Variants in OTOG observed in about 807,000 individuals in gnomAD.
OTOG encodes otogelin.
OTOG carries 296 observed loss-of-function variants against 313.8 expected under a neutral mutation model. That is an observed-to-expected ratio of 0.94 (90% CI 0.86 to 1.04). The LOEUF is 1.04. OTOG is among the 50% of genes least tolerant of loss of function. OTOG has a pLI of 0.00. For missense variants in OTOG, 3,948 were observed against 3,840.1 expected (o/e 1.03, Z -0.74); for synonymous variants, 1,533 against 1,554.9 (o/e 0.99, Z 0.33).
chr11:17,605,037 C>T (rs1181704399), intron 32 of OTOG, among the ~76,000 whole-genome samples: 1 of 152,244 alleles, frequency 6.6e-6, no homozygotes, highest in Non-Finnish European at 1.5e-5. Context: ...CCAGGCGCTT[C>T]ACACACACCT....
chr11:17,597,500 G>A (rs1853141215), intron 30 of OTOG, among the ~76,000 whole-genome samples: 1 of 152,188 alleles, frequency 6.6e-6, no homozygotes, highest in African/African-American at 2.4e-5. Flanking sequence ...AGGTTTGCAG[G>A]TCCCATCAGA....
At chr11:17,634,978 G>GGGGC in intron 45 of OTOG, 30 bp downstream of exon 45, 1 of 1,384,952 alleles carries the variant, frequency 7.2e-7, no homozygotes, top group Non-Finnish European at 9.9e-7. Flanking sequence ...GAGGGTGGGG[G>GGGGC]ACGGACTGAG....
chr11:17,560,765 C>T lies in OTOG; in HGVS notation c.1399C>T (p.His467Tyr). The T allele has an allele frequency of 6.4e-7, 1 of 1,550,778 alleles. No individual in the cohort carries two copies. Among genetic ancestry groups the T allele is most frequent in the Non-Finnish European group, 8.7e-7 (1 of 1,147,022 alleles). Residue 467 changes from histidine to tyrosine, a missense_variant, in exon 13 of 56, where the codon CAC becomes TAC. His to Tyr is a moderately conservative substitution (Grantham distance 83). Coordinates refer to ENST00000399397, the MANE Select transcript of OTOG (RefSeq NM_001292063.2). ...ACCAGCTGAGTGTCCCTGTGAGTTT[C>T]ACGGGACTCTGTACCCACCTGGCTC... ...VAPAECPCEF[H>Y]GTLYPPGSVV...
Position 17,641,796 on chromosome 11 carries a change from C to T in OTOG, c.8191-51C>T, listed in dbSNP as rs1370710357. 5 of 1,345,224 alleles carry T rather than the reference C, an allele frequency of 3.7e-6. No homozygotes were observed. The African/African-American group carries it at 4.4e-5, about 12-fold the overall frequency. The allele number at this position is 1,345,224 out of a possible 1,614,324, so 83.3% of individuals were successfully genotyped here. On this transcript the variant is annotated intron_variant, in intron 51 of 55. Transcript: ENST00000399397. ...CACAGATAACCAGGCAGTGGGAGAGCCAGGGTGGAGGTGGGCATCTGGCTG... is the reference window on the plus strand; with the variant it reads ...CACAGATAACCAGGCAGTGGGAGAGTCAGGGTGGAGGTGGGCATCTGGCTG...
intron 53 of OTOG, among the ~76,000 whole-genome samples, chr11:17,642,907 C>T (rs1296913878): frequency 6.6e-6 from 1 of 152,290 alleles, no homozygotes; most frequent in East Asian, 1.9e-4. Flanking sequence ...CATGTATGTG[C>T]TCACAAAATC....
At position 17,634,309 on chromosome 11, in the gene OTOG, C is replaced by T. The variant is rs567622357; in HGVS notation, c.7480+28C>T. 107 of 1,543,742 alleles carry T rather than the reference C, an allele frequency of 6.9e-5. 1 individual carries two copies. The South Asian group carries it at 7.2e-4, about 10-fold the overall frequency. ...GAGTGTCCACCTTCACTTCCTTGGA[C>T]GTCAACTGTAAAACAGTTAAAAGGT... On this transcript the variant is annotated intron_variant, in intron 44 of 55. Coordinates refer to ENST00000399397, the MANE Select transcript of OTOG (RefSeq NM_001292063.2).
chr11:17,570,079 C>CGCAGGCAG (rs991832428), intron 16 of OTOG, 134 bp from the exon 17 acceptor site: 27 of 760,800 alleles, frequency 3.5e-5, no homozygotes, highest in African/African-American at 7.0e-5. Context: ...ATGGCAGGCA[C>CGCAGGCAG]GCAGGCAGGC....
intron 38 of OTOG, 95 bp downstream of exon 38, chr11:17,612,860 G>A (rs998711714): frequency 1.4e-6 from 2 of 1,393,720 alleles, no homozygotes; most frequent in African/African-American, 2.9e-5. Flanking sequence ...CAGAGGCAAA[G>A]ACAGATGTGG....
At chr11:17,595,952 G>A in intron 28 of OTOG, 86 bp from the exon 29 acceptor site, 1 of 894,728 alleles carries the variant, frequency 1.1e-6, no homozygotes. Flanking sequence ...CAAGGATCAT[G>A]GCGGCCACCC....
intron 5 of OTOG, 39 bp from the exon 6 acceptor site, chr11:17,553,326 C>A: frequency 6.7e-7 from 1 of 1,489,918 alleles, no homozygotes; most frequent in Non-Finnish European, 9.0e-7. Flanking sequence ...TTGGTGCCCA[C>A]TGTAGCTACA....
chr11:17,557,144 G>A lies in OTOG; in HGVS notation c.686G>A (p.Ser229Asn), dbSNP rs771927467. Residue 229 changes from serine (S) to asparagine (N), a missense_variant, in exon 8 of 56, where the codon AGC (serine) becomes AAC (asparagine). By Grantham distance (46) the Ser-to-Asn change is conservative. Coordinates refer to ENST00000399397, the MANE Select transcript of OTOG (RefSeq NM_001292063.2). ...MRVQLPHVMGSARLQQLAGYV... is the reference protein window; with the variant it reads ...MRVQLPHVMGNARLQQLAGYV... Reference sequence around the variant, plus strand: ...GTCCAACTGCCACATGTCATGGGGAGCGCGCGTCTGCAGCAGCTTGCCGGC... The same window carrying A: ...GTCCAACTGCCACATGTCATGGGGAACGCGCGTCTGCAGCAGCTTGCCGGC... 3.0e-5 allele frequency: 47 copies of A among 1,550,298 alleles called. No homozygotes were observed. Among genetic ancestry groups the A allele is most frequent in the Admixed American group, 9.8e-5 (5 of 50,990 alleles).
chr11:17,605,728 C>G, intron 32 of OTOG, 129 bp from the exon 33 acceptor site: 1 of 1,024,060 alleles, frequency 9.8e-7, no homozygotes, highest in South Asian at 1.8e-5. Context: ...GTGTAGGGGG[C>G]AGGGCCTGCT....
intron 26 of OTOG, 135 bp from the exon 27 acceptor site, chr11:17,593,475 C>T: frequency 4.9e-6 from 7 of 1,428,868 alleles, no homozygotes; most frequent in Non-Finnish European, 6.6e-6. Context: ...TCCTCTTGGC[C>T]AGGGTCAGGA....
intron 48 of OTOG, 186 bp downstream of exon 48, chr11:17,638,735 C>G: frequency 5.2e-6 from 8 of 1,545,436 alleles, no homozygotes; most frequent in Non-Finnish European, 6.1e-6. Flanking sequence ...ATTCCTACAG[C>G]CTTTTCTCTC....
chr11:17,592,094 G>A (rs1852958631), intron 25 of OTOG, among the ~76,000 whole-genome samples: 1 of 152,100 alleles, frequency 6.6e-6, no homozygotes, highest in African/African-American at 2.4e-5. Context: ...TGTGCTTAAA[G>A]GAGTCACAGG....
At chr11:17,560,671 GCA>G (rs1321670072) in intron 12 of OTOG, 36 bp from the exon 13 acceptor site, 6 of 1,469,930 alleles carry the variant, frequency 4.1e-6, no homozygotes, top group Non-Finnish European at 5.6e-6. Context: ...GTGAACAGGG[GCA>G]AAGGTGAGTT....
intron 39 of OTOG, among the ~76,000 whole-genome samples, chr11:17,628,435 T>C (rs549372229): frequency 2.0e-5 from 3 of 152,352 alleles, no homozygotes; most frequent in Admixed American, 6.5e-5. Flanking sequence ...TGTAAAACTA[T>C]TGTAATAACC....
chr11:17,625,639 A>AT (rs1853966815), intron 39 of OTOG, among the ~76,000 whole-genome samples: 1 of 152,152 alleles, frequency 6.6e-6, no homozygotes, highest in Admixed American at 6.5e-5. Context: ...GCATTTTTAA[A>AT]TCAGATTATT....
rs138699238 is a variant in OTOG at position 17,599,420 on chromosome 11, G to C, written c.3683-251G>C. 4.7e-3 allele frequency among the ~76,000 whole-genome samples: 719 copies of C among 152,286 alleles called. 3 individuals carry two copies. Among genetic ancestry groups the C allele is most frequent in the Middle Eastern group, 0.014 (4 of 294 alleles). Reference sequence around the variant, plus strand: ...CATTCATTCGTTTGTTCATTTACTTGACACATCGCTGAGGTGCCTACTGTG... The same window carrying C: ...CATTCATTCGTTTGTTCATTTACTTCACACATCGCTGAGGTGCCTACTGTG... On this transcript the variant is annotated intron_variant, in intron 30 of 55. Coordinates refer to ENST00000399397, the MANE Select transcript of OTOG (RefSeq NM_001292063.2).
Sources: allele counts gnomAD v4.1 joint callset (sites outside exome capture counted in the v4.1 genomes callset), GRCh38; gene constraint gnomAD v4.1.1; transcripts MANE v1.5; gene names NCBI Gene and HGNC (gene_info 2026-07-23, HGNC 2026-07-21).